Variants in CDCA7L observed in about 807,000 individuals in gnomAD.
CDCA7L encodes cell division cycle-associated 7-like protein.
A neutral mutation model predicts 57.4 loss-of-function variants in CDCA7L; 44 were observed. The observed-to-expected ratio is 0.77, with a 90% CI of 0.60 to 0.98. The LOEUF (loss-of-function observed/expected upper bound fraction) is 0.98, where lower values mean the gene tolerates loss of function less well. Among genes scored for constraint, CDCA7L ranks in the 50% least tolerant of loss-of-function variants. The pLI is 0.00. For missense variants in CDCA7L, 644 were observed against 580.6 expected (o/e 1.11, Z -1.12); for synonymous variants, 236 against 202.8 (o/e 1.16, Z -1.39).
At chr7:21,910,738 A>C (rs114081130) in intron 3 of CDCA7L, among the ~76,000 whole-genome samples, 13 of 152,326 alleles carry the variant, frequency 8.5e-5, no homozygotes, top group African/African-American at 2.6e-4. Flanking sequence ...AAACAAACAA[A>C]TAACTAACAA....
chr7:21,921,965 C>T (rs772564428), intron 1 of CDCA7L, among the ~76,000 whole-genome samples: 2 of 152,116 alleles, frequency 1.3e-5, no homozygotes, highest in Non-Finnish European at 2.9e-5. Context: ...TCTATGAGAA[C>T]ACAGGTACTA....
At chr7:21,913,818 T>C (rs1370160414) in intron 2 of CDCA7L, among the ~76,000 whole-genome samples, 1 of 152,214 alleles carries the variant, frequency 6.6e-6, no homozygotes, top group African/African-American at 2.4e-5. Context: ...TGGTCAGTCC[T>C]GATAGAGAAA....
chr7:21,902,051 A>C lies in CDCA7L; in HGVS notation c.*271T>G, dbSNP rs1128226. 0.34 allele frequency: 159,781 copies of C among 468,818 alleles called. 28,511 individuals carry two copies. The highest frequency in any genetic ancestry group is 0.37 in the Non-Finnish European group (96,163 of 259,154). The allele number at this position is 468,818 out of a possible 1,614,324, so 29.0% of individuals were successfully genotyped here. A position where few individuals can be genotyped will look rare whatever the true frequency, so the allele number is the denominator to read the frequency against. On this transcript the variant is annotated 3_prime_UTR_variant, in exon 10 of 10. Coordinates refer to ENST00000406877, the MANE Select transcript of CDCA7L (RefSeq NM_018719.5). ...CCTGAACTTTAACCCCACCCCATTT[A>C]AACTGTGCTTTTTAATAACTGGCAG... is the stretch of plus-strand genomic sequence containing the variant.
At chr7:21,921,820 T>C (rs1222253240) in intron 1 of CDCA7L, among the ~76,000 whole-genome samples, 1 of 152,216 alleles carries the variant, frequency 6.6e-6, no homozygotes, top group Non-Finnish European at 1.5e-5. Flanking sequence ...ACCGTTTCAT[T>C]ATTTATAATA....
intron 1 of CDCA7L, among the ~76,000 whole-genome samples, chr7:21,926,943 C>T (rs917889863): frequency 1.3e-5 from 2 of 152,068 alleles, no homozygotes; most frequent in East Asian, 3.9e-4. Flanking sequence ...AAAAGCCACA[C>T]ACAGGTCCAG....
intron 2 of CDCA7L, among the ~76,000 whole-genome samples, chr7:21,915,429 T>G (rs1475079091): frequency 7.0e-6 from 1 of 143,144 alleles, no homozygotes; most frequent in East Asian, 2.0e-4. Context: ...CAAGATTCAC[T>G]AAGTGAGAAG....
Position 21,945,889 on chromosome 7 carries a change from C to A in CDCA7L, c.-85G>T, listed in dbSNP as rs191657039. The A allele has an allele frequency of 2.2e-3, 3,121 of 1,442,040 alleles. 55 individuals carry two copies. In the African/African-American group the frequency reaches 0.04, roughly 19 times the overall value. 89.3% of individuals were successfully genotyped at this position (1,442,040 alleles called of 1,614,324 possible). Reference sequence around the variant, plus strand: ...ACGGCCCGGCGCACCAAGAACGCCCCGCGCCCGAGCAGCTAGCGCGCTCCG... The same window carrying A: ...ACGGCCCGGCGCACCAAGAACGCCCAGCGCCCGAGCAGCTAGCGCGCTCCG... On this transcript the variant is annotated 5_prime_UTR_variant, in exon 1 of 10. Coordinates refer to ENST00000406877, the MANE Select transcript of CDCA7L (RefSeq NM_018719.5).
rs775082493 is a variant in CDCA7L at position 21,906,407 on chromosome 7, C to T, written c.803G>A (p.Arg268His). 10 of 1,613,180 alleles carry T rather than the reference C, an allele frequency of 6.2e-6. No individual in the cohort carries two copies. The East Asian group carries it at 6.7e-5, about 11-fold the overall frequency. ...RAFSEGQITR[R>H]MNPTRSARPP... ...CCGCGCACTCCGGGTTGGGTTCATACGCCGCGTGATCTGTCCCTCCGAGAA... is the reference window on the plus strand; with the variant it reads ...CCGCGCACTCCGGGTTGGGTTCATATGCCGCGTGATCTGTCCCTCCGAGAA... Residue 268 changes from arginine (R) to histidine (H), a missense_variant, in exon 6 of 10, where the codon CGT becomes CAT. Coordinates refer to ENST00000406877, the MANE Select transcript of CDCA7L (RefSeq NM_018719.5).
chr7:21,917,551 T>C (rs1397745214), intron 1 of CDCA7L, among the ~76,000 whole-genome samples: 1 of 152,230 alleles, frequency 6.6e-6, no homozygotes, highest in East Asian at 1.9e-4. Context: ...CTCCCAATTC[T>C]TTGTTTTAAA....
rs376335429 is a variant in CDCA7L at position 21,908,425 on chromosome 7, G to T, written c.386C>A (p.Thr129Asn). The T allele has an allele frequency of 6.3e-7, 1 of 1,588,840 alleles. No homozygotes were observed. The highest frequency in any genetic ancestry group is 8.5e-7 in the Non-Finnish European group (1 of 1,172,736). The change falls in exon 4 of 10, where the codon ACC (threonine) becomes AAC (asparagine). Residue 129 changes from threonine to asparagine, a missense_variant. Physicochemically the swap from Thr to Asn is moderately conservative, Grantham distance 65. Transcript: ENST00000406877. Reference sequence around the variant, plus strand: ...TCTTCTAGACCTGCTTCTTCTAGGGGTAGCCTTATCTTCTTCTTCATCTTC... The same window carrying T: ...TCTTCTAGACCTGCTTCTTCTAGGGTTAGCCTTATCTTCTTCTTCATCTTC... ...EEEDEEEDKATPRRSRSRRSS... is the reference protein window; with the variant it reads ...EEEDEEEDKANPRRSRSRRSS...
intron 4 of CDCA7L, 58 bp downstream of exon 4, chr7:21,908,072 C>T: frequency 6.7e-7 from 1 of 1,487,658 alleles, no homozygotes; most frequent in Non-Finnish European, 8.8e-7. Flanking sequence ...TCTGGGAGCC[C>T]AGCAACTGCT....
intron 1 of CDCA7L, among the ~76,000 whole-genome samples, chr7:21,923,863 G>A (rs778031864): frequency 2.6e-5 from 4 of 152,202 alleles, no homozygotes; most frequent in Admixed American, 1.3e-4. Context: ...AGTTGCTGCT[G>A]GCTTCTCGTT....
rs770218756 is a variant in CDCA7L at position 21,908,273 on chromosome 7, G to T, written c.538C>A (p.Leu180Ile). Residue 180 changes from leucine (L) to isoleucine (I), a missense_variant, in exon 4 of 10, where the codon CTT (leucine) becomes ATT (isoleucine). Physicochemically the swap from Leu to Ile is conservative, Grantham distance 5. Coordinates refer to ENST00000406877, the MANE Select transcript of CDCA7L (RefSeq NM_018719.5). The part of the protein sequence containing the change: ...ARLQNEKKTI[L>I]ERKKDCRQVI... ...TGTCTACAGTCTTTCTTTCTTTCAA[G>T]AATTGTTTTTTTCTCATTCTGTAAG... The T allele has an allele frequency of 6.2e-6, 10 of 1,613,116 alleles. No homozygotes were observed. The highest frequency in any genetic ancestry group is 2.2e-5 in the East Asian group (1 of 44,860).
At position 21,904,094 on chromosome 7, in the gene CDCA7L, C is replaced by T; in HGVS notation, c.1197+16G>A. 6.4e-7 allele frequency: 1 copy of T among 1,568,106 alleles called. No individual in the cohort carries two copies. Among genetic ancestry groups the T allele is most frequent in the Non-Finnish European group, 8.6e-7 (1 of 1,158,720 alleles). On this transcript the variant is annotated intron_variant, in intron 8 of 9. Coordinates refer to ENST00000406877, the MANE Select transcript of CDCA7L (RefSeq NM_018719.5). Reference sequence around the variant, plus strand: ...TCACCAATACAATTTACAACAAATGCAAACACTGTTCCTACCGGGTCCAGC... The same window carrying T: ...TCACCAATACAATTTACAACAAATGTAAACACTGTTCCTACCGGGTCCAGC...
At chr7:21,902,664 C>CATAAT in intron 9 of CDCA7L, 1 of 495,862 alleles carries the variant, frequency 2.0e-6, no homozygotes, top group Non-Finnish European at 3.6e-6. Flanking sequence ...GCTGCCTCTT[C>CATAAT]ATAATCTGTG....
intron 1 of CDCA7L, among the ~76,000 whole-genome samples, chr7:21,939,339 T>G (rs1786271006): frequency 6.6e-6 from 1 of 152,210 alleles, no homozygotes; most frequent in Admixed American, 6.5e-5. Flanking sequence ...CCTTTTATTA[T>G]GTATATCTTA....
rs1784902596 is a variant in CDCA7L, at chr7:21,902,044, C to T, written c.*278G>A. 1 of 444,580 alleles carries T rather than the reference C, an allele frequency of 2.2e-6. No individual in the cohort carries two copies. Among genetic ancestry groups the T allele is most frequent in the Non-Finnish European group, 4.1e-6 (1 of 245,336 alleles). The allele number at this position is 444,580 out of a possible 1,614,324, so 27.5% of individuals were successfully genotyped here. A position where few individuals can be genotyped will look rare whatever the true frequency, so the allele number is the denominator to read the frequency against. On this transcript the variant is annotated 3_prime_UTR_variant, in exon 10 of 10. Coordinates refer to ENST00000406877, the MANE Select transcript of CDCA7L (RefSeq NM_018719.5). ...TTACTTACCTGAACTTTAACCCCAC[C>T]CCATTTAAACTGTGCTTTTTAATAA... is the stretch of plus-strand genomic sequence containing the variant.
At chr7:21,907,558 C>T (rs1025052542) in intron 4 of CDCA7L, among the ~76,000 whole-genome samples, 6 of 152,062 alleles carry the variant, frequency 3.9e-5, no homozygotes, top group African/African-American at 7.2e-5. Flanking sequence ...ACAGAAAAAC[C>T]AAATATATGT....
intron 8 of CDCA7L, 83 bp from the exon 9 acceptor site, chr7:21,903,197 G>T: frequency 1.5e-6 from 2 of 1,368,232 alleles, no homozygotes; most frequent in Non-Finnish European, 2.0e-6. Flanking sequence ...GAATGGCTCA[G>T]CTGGCCTCTC....
Sources: gnomAD v4.1 joint callset for allele counts (sites outside exome capture counted in the v4.1 genomes callset) on GRCh38, gnomAD v4.1.1 for gene constraint, MANE v1.5 for transcripts, NCBI Gene and HGNC (gene_info 2026-07-23, HGNC 2026-07-21) for gene names.